Variants in XIRP2 observed in about 807,000 individuals in gnomAD.
XIRP2 encodes the protein xin actin binding repeat containing 2, also known as xin actin-binding repeat-containing protein 2.
XIRP2 carries 236 observed loss-of-function variants against 277.0 expected under a neutral mutation model. The ratio of observed to expected loss-of-function variants is 0.85; its 90% CI spans 0.77 to 0.95. The LOEUF (loss-of-function observed/expected upper bound fraction) is 0.95. Ranked by LOEUF, XIRP2 falls within the 40% of genes least tolerant of loss-of-function variation. The probability of loss-of-function intolerance (pLI) is 0.00; values close to 1 mark genes in which losing one functional copy is unlikely to be tolerated. For synonymous variants in XIRP2, 1,490 were observed against 1,416.5 expected, an observed-to-expected ratio of 1.05 and a Z score of -1.17; for missense variants, 4,640 against 4,157.5, an observed-to-expected ratio of 1.12 and a Z score of -3.19.
intron 2 of XIRP2, among the ~76,000 whole-genome samples, chr2:166,996,488 G>A (rs758088207): frequency 1.6e-4 from 24 of 152,178 alleles, no homozygotes; most frequent in South Asian, 1.2e-3. Flanking sequence ...AAAATTAGGC[G>A]TGGTGATGCA....
At chr2:167,081,144 A>T (rs1409484879) in intron 2 of XIRP2, among the ~76,000 whole-genome samples, 1 of 152,190 alleles carries the variant, frequency 6.6e-6, no homozygotes, top group African/African-American at 2.4e-5. Context: ...GAGAAACCAG[A>T]GATCTTCATT....
intron 3 of XIRP2, among the ~76,000 whole-genome samples, chr2:167,173,901 A>G: frequency 6.6e-6 from 1 of 152,022 alleles, no homozygotes; most frequent in East Asian, 1.9e-4. Flanking sequence ...CCTGTTTGCC[A>G]TTTGATATGG....
chr2:167,067,243 C>T lies in XIRP2; in HGVS notation c.409-68666C>T, dbSNP rs569337296. On this transcript the variant is annotated intron_variant, in intron 2 of 10. Transcript: ENST00000409195. ...TATTTTGGTATTTTTATAGCCTCTC[C>T]ATAATTTATTTTCAATATTTTCCAT... is the stretch of plus-strand genomic sequence containing the variant. Among the ~76,000 whole-genome samples, 84 of 151,982 alleles carry T rather than the reference C, an allele frequency of 5.5e-4. 1 individual carries two copies. Among genetic ancestry groups the T allele is most frequent in the African/African-American group, 2.0e-3 (82 of 41,420 alleles).
intron 3 of XIRP2, among the ~76,000 whole-genome samples, chr2:167,194,240 C>G (rs569205616): frequency 3.4e-4 from 52 of 151,972 alleles, no homozygotes; most frequent in Non-Finnish European, 6.5e-4. Context: ...CACCACAACA[C>G]CACCTAATTT....
chr2:167,044,467 G>A (rs1315974323), intron 2 of XIRP2, among the ~76,000 whole-genome samples: 2 of 152,062 alleles, frequency 1.3e-5, no homozygotes, highest in African/African-American at 2.4e-5. Flanking sequence ...CAAATAGGAA[G>A]AGAGGCAGTC....
chr2:167,018,405 C>G lies in XIRP2; in HGVS notation c.408+114515C>G, dbSNP rs558379170. Among the ~76,000 whole-genome samples, 7 of 152,064 alleles carry G rather than the reference C, an allele frequency of 4.6e-5. 1 individual carries two copies. The South Asian group carries it at 1.5e-3, about 32-fold the overall frequency. On this transcript the variant is annotated intron_variant, in intron 2 of 10. Coordinates refer to ENST00000409195, the MANE Select transcript of XIRP2 (RefSeq NM_152381.6). The stretch of plus-strand genomic sequence containing the variant: ...AAAACAGGATTGGTTATGAAAAAGG[C>G]ATTCTGGGAAAAACAAATGTAAAGA...
intron 2 of XIRP2, among the ~76,000 whole-genome samples, chr2:166,909,356 G>A (rs1479932041): frequency 6.6e-6 from 1 of 152,128 alleles, no homozygotes; most frequent in Non-Finnish European, 1.5e-5. Context: ...GGATTCCTAA[G>A]TATTTTATTC....
chr2:166,938,753 GA>G (rs1386718637), intron 2 of XIRP2, among the ~76,000 whole-genome samples: 2 of 152,136 alleles, frequency 1.3e-5, no homozygotes, highest in Non-Finnish European at 1.5e-5. Context: ...GGTCTCTAAG[GA>G]ATTGCTTTAT....
chr2:166,966,069 T>A (rs1456249667), intron 2 of XIRP2, among the ~76,000 whole-genome samples: 1 of 151,890 alleles, frequency 6.6e-6, no homozygotes, highest in Non-Finnish European at 1.5e-5. Flanking sequence ...GGCTTTTAAA[T>A]AAAATCCCAT....
At chr2:166,907,771 C>T (rs1325138680) in intron 2 of XIRP2, among the ~76,000 whole-genome samples, 2 of 122,438 alleles carry the variant, frequency 1.6e-5, no homozygotes, top group African/African-American at 3.1e-5. Context: ...CCCCTCCCCC[C>T]ACCCCATGAC....
chr2:166,923,143 G>C (rs1685099349), intron 2 of XIRP2, among the ~76,000 whole-genome samples: 1 of 151,972 alleles, frequency 6.6e-6, no homozygotes, highest in Non-Finnish European at 1.5e-5. Flanking sequence ...ACTTAGGAGT[G>C]GTAGCTAAAG....
chr2:167,038,463 G>T (rs1010203456), intron 2 of XIRP2, among the ~76,000 whole-genome samples: 5 of 150,580 alleles, frequency 3.3e-5, no homozygotes, highest in Admixed American at 2.6e-4. Flanking sequence ...AATCCATGAA[G>T]TATGGAATCA....
At chr2:167,022,412 A>C (rs1688008531) in intron 2 of XIRP2, among the ~76,000 whole-genome samples, 1 of 152,108 alleles carries the variant, frequency 6.6e-6, no homozygotes, top group African/African-American at 2.4e-5. Flanking sequence ...ATTTTCTCAG[A>C]ACATATCAAT....
chr2:167,190,547 A>G (rs2105365866), intron 3 of XIRP2, among the ~76,000 whole-genome samples: 1 of 152,296 alleles, frequency 6.6e-6, no homozygotes, highest in East Asian at 1.9e-4. Flanking sequence ...CTTTGACATG[A>G]TACCTATGAA....
chr2:167,183,662 A>G (rs1315642159), intron 3 of XIRP2, among the ~76,000 whole-genome samples: 2 of 151,690 alleles, frequency 1.3e-5, no homozygotes, highest in East Asian at 3.9e-4. Flanking sequence ...GTTATTTCTT[A>G]TATTTTCTTA....
intron 2 of XIRP2, among the ~76,000 whole-genome samples, chr2:166,942,768 A>G (rs1031821393): frequency 2.6e-5 from 4 of 152,010 alleles, no homozygotes; most frequent in African/African-American, 4.8e-5. Flanking sequence ...AAATATCAGT[A>G]TGAGGTTTTT....
rs1464559942 is a variant in XIRP2 at position 167,221,427 on chromosome 2, TC to T, written c.858+3129del. Among the ~76,000 whole-genome samples the T allele has an allele frequency of 2.5e-5, 3 of 121,718 alleles. No homozygotes were observed. The Admixed American group carries it at 3.5e-4, about 14-fold the overall frequency. The allele number at this position is 121,718 out of a possible 152,430, so 79.9% of individuals were successfully genotyped here. ...GTGAGCCGAGATGGTGCCATTGCAC[TC>T]CAGCCTGGGCAACAAGAGCGAAACT... On this transcript the variant is annotated intron_variant, in intron 5 of 10. Coordinates refer to ENST00000409195, the MANE Select transcript of XIRP2 (RefSeq NM_152381.6).
At chr2:166,909,248 G>A (rs941960209) in intron 2 of XIRP2, among the ~76,000 whole-genome samples, 2 of 152,182 alleles carry the variant, frequency 1.3e-5, no homozygotes, top group African/African-American at 4.8e-5. Context: ...CTATCCACGA[G>A]CATGGAATGT....
chr2:166,904,555 A>G (rs959127099), intron 2 of XIRP2, among the ~76,000 whole-genome samples: 4 of 152,142 alleles, frequency 2.6e-5, no homozygotes, highest in Non-Finnish European at 5.9e-5. Context: ...TAAAGAGGGC[A>G]TTTAGCCAAA....
Sources: allele counts gnomAD v4.1 joint callset (sites outside exome capture counted in the v4.1 genomes callset), GRCh38; gene constraint gnomAD v4.1.1; transcripts MANE v1.5; gene names NCBI Gene and HGNC (gene_info 2026-07-23, HGNC 2026-07-21).